The following TDRD7 variants were observed in gnomAD, a reference collection of about 807,000 sequenced individuals.
The protein encoded by TDRD7 is tudor domain containing 7, also known as tudor domain-containing protein 7.
In TDRD7, 47 loss-of-function variants were observed where a neutral mutation model predicts 109.8. That is an observed-to-expected ratio of 0.43 (90% confidence interval 0.34 to 0.55). TDRD7 has a LOEUF of 0.55. TDRD7 is among the 20% of genes least tolerant of loss of function. TDRD7 has a pLI of 0.03. For synonymous variants in TDRD7, 424 were observed against 457.3 expected (o/e 0.93, Z 0.93); for missense variants, 1,164 against 1,319.2 (o/e 0.88, Z 1.82).
rs1828704225 is a variant in TDRD7, at chr9:97,460,754, G to A, written c.1432G>A (p.Val478Met). Reference sequence around the variant, plus strand: ...GGTTGAACTGAGCAACACAAATGAAGTGGTTATCAGGCAAGTTTCATTTTC... The same window carrying A: ...GGTTGAACTGAGCAACACAAATGAAATGGTTATCAGGCAAGTTTCATTTTC... ...LVVELSNTNE[V>M]VIRYVGKDYS... is the part of the protein sequence containing the mutation. The change falls in exon 7 of 17, where the codon GTG becomes ATG. Residue 478 changes from valine to methionine, a missense_variant. Physicochemically the swap from Val to Met is conservative, Grantham distance 21. Around this residue, in one of 5 missense-constraint regions of TDRD7, gnomAD observed 261 missense variants for 336.2 expected, o/e 0.78. Transcript: ENST00000355295. 3 of 1,613,954 alleles carry A rather than the reference G, an allele frequency of 1.9e-6. No homozygotes were observed. Among genetic ancestry groups the A allele is most frequent in the Non-Finnish European group, 2.5e-6 (3 of 1,179,860 alleles).
chr9:97,443,993 T>C (rs1459114470), intron 6 of TDRD7, among the ~76,000 whole-genome samples: 1 of 152,176 alleles, frequency 6.6e-6, no homozygotes, highest in Admixed American at 6.5e-5. Flanking sequence ...CTGGGAAATT[T>C]TAATCTTTGC....
intron 9 of TDRD7, 45 bp from the exon 10 acceptor site, chr9:97,472,248 G>A: frequency 6.5e-7 from 1 of 1,539,022 alleles, no homozygotes; most frequent in Non-Finnish European, 9.0e-7. Context: ...ATCTTGAAAT[G>A]ATTTTTCTAA....
At chr9:97,419,338 A>G (rs1462389561) in intron 1 of TDRD7, among the ~76,000 whole-genome samples, 1 of 152,206 alleles carries the variant, frequency 6.6e-6, no homozygotes, top group East Asian at 1.9e-4. Flanking sequence ...ATGCTTTAGT[A>G]TGTCCTCTTG....
intron 4 of TDRD7, 69 bp downstream of exon 4, chr9:97,432,307 G>A (rs905058466): frequency 1.4e-6 from 2 of 1,381,292 alleles, no homozygotes; most frequent in Admixed American, 3.4e-5. Flanking sequence ...GTATGTTCAG[G>A]TTAAGAAAGA....
chr9:97,444,611 A>G (rs1296778920), intron 6 of TDRD7, among the ~76,000 whole-genome samples: 1 of 152,230 alleles, frequency 6.6e-6, no homozygotes, highest in African/African-American at 2.4e-5. Flanking sequence ...AGGATAAGAC[A>G]GAACTTGGTA....
At chr9:97,426,307 C>A (rs1311854847) in intron 1 of TDRD7, among the ~76,000 whole-genome samples, 1 of 152,184 alleles carries the variant, frequency 6.6e-6, no homozygotes, top group Non-Finnish European at 1.5e-5. Context: ...GTCACCCAGG[C>A]TGGAGTGCAG....
At chr9:97,480,226 G>A (rs1449787495) in intron 13 of TDRD7, 1 of 157,404 alleles carries the variant, frequency 6.4e-6, no homozygotes, top group Admixed American at 6.0e-5. Flanking sequence ...TTCTACAGAT[G>A]CTTGTATAGT....
Position 97,460,668 on chromosome 9 carries a change from T to C in TDRD7, c.1346T>C (p.Met449Thr). ...ATTGCTGAAAGTGCTAATACCTTTA[T>C]GGAGGACATAACAGTTCCTCCTTTA... ...ESIAESANTF[M>T]EDITVPPLMI... The change falls in exon 7 of 17, where the codon ATG becomes ACG. Residue 449 changes from methionine (M) to threonine (T), a missense_variant. Around this residue, in one of 5 missense-constraint regions of TDRD7, gnomAD observed 407 missense variants for 394.0 expected, o/e 1.03. Coordinates refer to ENST00000355295, the MANE Select transcript of TDRD7 (RefSeq NM_014290.3). 3 of 1,614,148 alleles carry C rather than the reference T, an allele frequency of 1.9e-6. No homozygotes were observed. The highest frequency in any genetic ancestry group is 3.3e-5 in the Admixed American group (2 of 60,024).
chr9:97,487,045 A>G, intron 15 of TDRD7, 127 bp from the exon 16 acceptor site: 2 of 1,089,438 alleles, frequency 1.8e-6, no homozygotes, highest in South Asian at 1.5e-5. Context: ...TTTTGAAAAT[A>G]TAGTTTTAAA....
At chr9:97,438,468 C>T (rs1371062255) in intron 4 of TDRD7, among the ~76,000 whole-genome samples, 1 of 152,150 alleles carries the variant, frequency 6.6e-6, no homozygotes. Flanking sequence ...TTCATTCAGT[C>T]ATTCTTACAA....
chr9:97,444,697 A>G lies in TDRD7; in HGVS notation c.855+2822A>G, dbSNP rs147489306. Among the ~76,000 whole-genome samples the G allele has an allele frequency of 2.0e-3, 310 of 152,288 alleles. 3 individuals are homozygous for G. The highest frequency in any genetic ancestry group is 7.2e-3 in the African/African-American group (300 of 41,566). Reference sequence around the variant, plus strand: ...TGAAGGAGAAATCTAAGTGCAGTGTATTTCTTTTTTTAAGGGTTTTTTCCT... The same window carrying G: ...TGAAGGAGAAATCTAAGTGCAGTGTGTTTCTTTTTTTAAGGGTTTTTTCCT... On this transcript the variant is annotated intron_variant, in intron 6 of 16. Coordinates refer to ENST00000355295, the MANE Select transcript of TDRD7 (RefSeq NM_014290.3).
At chr9:97,477,659 A>G (rs1358009270) in intron 12 of TDRD7, among the ~76,000 whole-genome samples, 1 of 152,168 alleles carries the variant, frequency 6.6e-6, no homozygotes, top group Non-Finnish European at 1.5e-5. Flanking sequence ...GAGAAGGAAA[A>G]ATAATTAGTG....
chr9:97,453,238 G>A (rs974766390), intron 6 of TDRD7, among the ~76,000 whole-genome samples: 10 of 152,134 alleles, frequency 6.6e-5, no homozygotes, highest in Admixed American at 2.6e-4. Context: ...GGCTTTACAG[G>A]CTCATCTGGG....
At chr9:97,470,466 A>G (rs1447045300) in intron 8 of TDRD7, 92 bp from the exon 9 acceptor site, 5 of 1,215,128 alleles carry the variant, frequency 4.1e-6, no homozygotes, top group South Asian at 1.3e-5. Flanking sequence ...CAGCTTGCTG[A>G]TCATGGAATA....
Position 97,469,314 on chromosome 9 carries a change from T to A in TDRD7, c.1630-1244T>A, listed in dbSNP as rs549530543. ...TGGCCAGCTGCCTGACATGCAGCCC[T>A]ACCAGCGATCTAGGCCTAAGTCAGT... On this transcript the variant is annotated intron_variant, in intron 8 of 16. Coordinates refer to ENST00000355295, the MANE Select transcript of TDRD7 (RefSeq NM_014290.3). Among the ~76,000 whole-genome samples, 5 of 152,354 alleles carry A rather than the reference T, an allele frequency of 3.3e-5. No individual in the cohort carries two copies. In the East Asian group the frequency reaches 5.8e-4, roughly 18 times the overall value.
At position 97,460,732 on chromosome 9, in the gene TDRD7, T is replaced by G; in HGVS notation, c.1410T>G (p.Val470=). 6.2e-7 allele frequency: 1 copy of G among 1,614,158 alleles called. No individual in the cohort carries two copies. ...AAGCATCACCATCTGTATTGGTGGT[T>G]GAACTGAGCAACACAAATGAAGTGG... is the stretch of plus-strand genomic sequence containing the variant. ...PTEASPSVLV[V]ELSNTNEVVI... is the part of the protein sequence containing the mutation. The change falls in exon 7 of 17, where the codon GTT becomes GTG. Residue 470 remains valine, a synonymous_variant. Coordinates refer to ENST00000355295, the MANE Select transcript of TDRD7 (RefSeq NM_014290.3).
intron 4 of TDRD7, among the ~76,000 whole-genome samples, chr9:97,436,723 C>T (rs368183306): frequency 3.4e-4 from 52 of 152,056 alleles, no homozygotes; most frequent in East Asian, 1.5e-3. Context: ...TTAATTCATC[C>T]AGAATTTATT....
chr9:97,475,270 C>A, intron 11 of TDRD7, 113 bp from the exon 12 acceptor site: 1 of 810,724 alleles, frequency 1.2e-6, no homozygotes, highest in Non-Finnish European at 2.1e-6. Flanking sequence ...TGCTGGAAGT[C>A]TGACTACATG....
In TDRD7 at chr9:97,487,200, C is replaced by T. The variant is rs1829225374; in HGVS notation, c.2944C>T (p.Leu982=). 6.2e-7 allele frequency: 1 copy of T among 1,613,830 alleles called. No individual in the cohort carries two copies. Among genetic ancestry groups the T allele is most frequent in the African/African-American group, 1.3e-5 (1 of 74,944 alleles). The change falls in exon 16 of 17, where the codon CTG becomes TTG. Residue 982 remains leucine (L), a synonymous_variant. Transcript: ENST00000355295. ...GCACAGGGTGCTTTTAAAAGGAATCCTGACCAATGGACTGGTATCTGTGTA... is the reference window on the plus strand; with the variant it reads ...GCACAGGGTGCTTTTAAAAGGAATCTTGACCAATGGACTGGTATCTGTGTA... ...KWHRVLLKGI[L]TNGLVSVYEL... is the part of the protein sequence containing the mutation.
Sources: gnomAD v4.1 joint callset for allele counts (sites outside exome capture counted in the v4.1 genomes callset) on GRCh38, gnomAD v4.1.1 for gene constraint, gnomAD v4.1.1 regional missense constraint, MANE v1.5 for transcripts, NCBI Gene and HGNC (gene_info 2026-07-23, HGNC 2026-07-21) for gene names.